STK24: variants seen among roughly 807,000 people sequenced by gnomAD.
The protein encoded by STK24 is serine/threonine kinase 24, also known as serine/threonine-protein kinase 24.
In STK24, 21 loss-of-function variants were observed where a neutral mutation model predicts 55.6. The observed-to-expected ratio is 0.38, with a 90% confidence interval of 0.27 to 0.54. The LOEUF (loss-of-function observed/expected upper bound fraction) is 0.54. Among genes scored for constraint, STK24 ranks in the 20% least tolerant of loss-of-function variants. STK24 has a pLI of 0.79. For synonymous variants in STK24, 200 were observed against 215.2 expected (o/e 0.93, Z 0.62); for missense variants, 383 against 538.4 (o/e 0.71, Z 2.86).
chr13:98,460,703 G>A (rs1246268622), intron 8 of STK24, among the ~76,000 whole-genome samples: 6 of 152,274 alleles, frequency 3.9e-5, no homozygotes, highest in African/African-American at 1.4e-4. Context: ...GGGACTCTGT[G>A]TGGGCACAGG....
chr13:98,505,343 C>G (rs1895645632), intron 2 of STK24, among the ~76,000 whole-genome samples: 1 of 152,264 alleles, frequency 6.6e-6, no homozygotes, highest in Non-Finnish European at 1.5e-5. Flanking sequence ...CCAACTCCAC[C>G]TCATCACACT....
chr13:98,562,340 T>C (rs1276168364), intron 1 of STK24, among the ~76,000 whole-genome samples: 1 of 152,124 alleles, frequency 6.6e-6, no homozygotes, highest in African/African-American at 2.4e-5. Flanking sequence ...CATGATTCTT[T>C]TATAGACCAT....
chr13:98,515,722 GA>G (rs1336503698), intron 2 of STK24, among the ~76,000 whole-genome samples: 42 of 152,058 alleles, frequency 2.8e-4, no homozygotes, highest in Non-Finnish European at 6.2e-4. Flanking sequence ...CTTTTTTCTA[GA>G]CTAAAAGAAT....
chr13:98,575,980 G>A lies in STK24; in HGVS notation c.42+765C>T, dbSNP rs556481863. 6.2e-6 allele frequency: 6 copies of A among 973,138 alleles called. No homozygotes were observed. The African/African-American group carries it at 8.8e-5, about 14-fold the overall frequency. 60.3% of individuals were successfully genotyped at this position (973,138 alleles called of 1,614,324 possible). A position where few individuals can be genotyped will look rare whatever the true frequency, so the allele number is the denominator to read the frequency against. On this transcript the variant is annotated intron_variant, in intron 1 of 10. Coordinates refer to ENST00000539966, the MANE Select transcript of STK24 (RefSeq NM_001032296.4). Reference sequence around the variant, plus strand: ...CCCCAAAAAGTCACTGGTAGGCCAAGGTGTCACCAAGTACCGAAAGAGAGG... The same window carrying A: ...CCCCAAAAAGTCACTGGTAGGCCAAAGTGTCACCAAGTACCGAAAGAGAGG...
At chr13:98,470,305 TCG>T (rs1894093443) in intron 5 of STK24, among the ~76,000 whole-genome samples, 1 of 100,318 alleles carries the variant, frequency 1.0e-5, no homozygotes, top group South Asian at 2.7e-4. Context: ...GAGGTGGGAG[TCG>T]GGGGGGCAAG....
chr13:98,463,888 C>T, intron 6 of STK24, 52 bp from the exon 7 acceptor site: 1 of 1,586,424 alleles, frequency 6.3e-7, no homozygotes, highest in Non-Finnish European at 8.6e-7. Context: ...CTTGGTCCTA[C>T]CCCAAAGGAC....
chr13:98,448,447 G>T lies in STK24; in HGVS notation c.*4726C>A. ...AACATGGCTTCCCAGCAGCTCTCCT[G>T]TCTCCACAGCCGCGTTTTTTAACCC... On this transcript the variant is annotated 3_prime_UTR_variant, in exon 11 of 11. Transcript: ENST00000539966. 1.3e-6 allele frequency: 1 copy of T among 760,308 alleles called. No homozygotes were observed. The highest frequency in any genetic ancestry group is 2.2e-5 in the Admixed American group (1 of 45,646). The allele number at this position is 760,308 out of a possible 1,614,324, so 47.1% of individuals were successfully genotyped here. A position where few individuals can be genotyped will look rare whatever the true frequency, so the allele number is the denominator to read the frequency against.
In STK24 at chr13:98,472,459, C is replaced by T. The variant is rs550474540; in HGVS notation, c.597+2362G>A. ...TGAGCAGTGATGGTGCAACCAAGAG[C>T]GGAAGATCTTCACATGGCCCTGTCT... On this transcript the variant is annotated intron_variant, in intron 5 of 10. Coordinates refer to ENST00000539966, the MANE Select transcript of STK24 (RefSeq NM_001032296.4). Among the ~76,000 whole-genome samples, 5 of 152,270 alleles carry T rather than the reference C, an allele frequency of 3.3e-5. No individual in the cohort carries two copies. The East Asian group carries it at 5.8e-4, about 18-fold the overall frequency.
At chr13:98,471,608 C>T (rs922220935) in intron 5 of STK24, among the ~76,000 whole-genome samples, 7 of 152,192 alleles carry the variant, frequency 4.6e-5, no homozygotes, top group African/African-American at 1.7e-4. Flanking sequence ...TAGGTTAAGA[C>T]TGACATAAGA....
rs1892806706 is a variant in STK24, at chr13:98,445,957, C to T, written c.*7216G>A. 1 of 604,706 alleles carries T rather than the reference C, an allele frequency of 1.7e-6. No homozygotes were observed. Among genetic ancestry groups the T allele is most frequent in the Admixed American group, 3.0e-5 (1 of 33,794 alleles). The allele number at this position is 604,706 out of a possible 1,614,324, so 37.5% of individuals were successfully genotyped here. A position where few individuals can be genotyped will look rare whatever the true frequency, so the allele number is the denominator to read the frequency against. On this transcript the variant is annotated 3_prime_UTR_variant, in exon 11 of 11. Coordinates refer to ENST00000539966, the MANE Select transcript of STK24 (RefSeq NM_001032296.4). ...CCAGGACCTGCCAAGTCTCCCCACA[C>T]ACGGGGGAGCGGGGGTGGGGCCCAC...
chr13:98,520,495 A>G (rs778288078), intron 1 of STK24, among the ~76,000 whole-genome samples: 29 of 152,208 alleles, frequency 1.9e-4, no homozygotes, highest in Non-Finnish European at 3.5e-4. Context: ...AAGCTGAACT[A>G]CTAGGAAAAG....
In STK24 at chr13:98,507,373, A is replaced by G. The variant is rs138707651; in HGVS notation, c.273+11870T>C. Reference sequence around the variant, plus strand: ...GAAAGCCTGAGCAAATTAGCAAGACAGGCCTGCGGGCTCCTGGCACAGGGC... The same window carrying G: ...GAAAGCCTGAGCAAATTAGCAAGACGGGCCTGCGGGCTCCTGGCACAGGGC... On this transcript the variant is annotated intron_variant, in intron 2 of 10. Transcript: ENST00000539966. Among the ~76,000 whole-genome samples, 39 of 152,258 alleles carry G rather than the reference A, an allele frequency of 2.6e-4. 1 individual carries two copies. Among genetic ancestry groups the G allele is most frequent in the African/African-American group, 9.1e-4 (38 of 41,572 alleles).
chr13:98,472,719 C>A lies in STK24; in HGVS notation c.597+2102G>T, dbSNP rs556429679. On this transcript the variant is annotated intron_variant, in intron 5 of 10. Transcript: ENST00000539966. Reference sequence around the variant, plus strand: ...TGGAAAAGGTTCTGACATATGTAATCATCTCTATTCATTCATTTTGCTTGG... The same window carrying A: ...TGGAAAAGGTTCTGACATATGTAATAATCTCTATTCATTCATTTTGCTTGG... Among the ~76,000 whole-genome samples, 3 of 152,192 alleles carry A rather than the reference C, an allele frequency of 2.0e-5. No individual in the cohort carries two copies. In the East Asian group the frequency reaches 5.8e-4, roughly 29 times the overall value.
chr13:98,559,182 A>G (rs1897352297), intron 1 of STK24, among the ~76,000 whole-genome samples: 1 of 152,048 alleles, frequency 6.6e-6, no homozygotes, highest in African/African-American at 2.4e-5. Context: ...TCAAAAAAAA[A>G]GAAAAAAGTG....
chr13:98,513,521 G>A (rs1449290930), intron 2 of STK24, among the ~76,000 whole-genome samples: 1 of 152,116 alleles, frequency 6.6e-6, no homozygotes, highest in South Asian at 2.1e-4. Flanking sequence ...GTCCATATGG[G>A]GCAGTGGCAG....
chr13:98,566,694 C>A (rs1339228365), intron 1 of STK24, among the ~76,000 whole-genome samples: 2 of 152,234 alleles, frequency 1.3e-5, no homozygotes, highest in Non-Finnish European at 2.9e-5. Context: ...AGCCATGCCA[C>A]AGGCTCAGTC....
intron 1 of STK24, among the ~76,000 whole-genome samples, chr13:98,556,537 A>AACAAC (rs368041073): frequency 0.17 from 25,802 of 152,088 alleles, 2,239 homozygotes; most frequent in African/African-American, 0.19. Context: ...ACAACAACAA[A>AACAAC]AAAATCACTG....
intron 5 of STK24, among the ~76,000 whole-genome samples, chr13:98,473,387 A>G (rs1894233051): frequency 6.7e-6 from 1 of 150,044 alleles, no homozygotes. Flanking sequence ...GTGTCATCCA[A>G]TGAGTTAAGA....
chr13:98,562,917 T>TAA (rs575288091), intron 1 of STK24, among the ~76,000 whole-genome samples: 2,749 of 109,004 alleles, frequency 0.025, 108 homozygotes, highest in African/African-American at 0.092. Context: ...CTCCCTCTCT[T>TAA]AAAAAAAAAA....
Sources: allele counts gnomAD v4.1 joint callset (sites outside exome capture counted in the v4.1 genomes callset), GRCh38; gene constraint gnomAD v4.1.1; transcripts MANE v1.5; gene names NCBI Gene and HGNC (gene_info 2026-07-23, HGNC 2026-07-21).